LOC131768270: variants seen among roughly 807,000 people sequenced by gnomAD.
the LOC131768270 span, chr5:140,567,740 C>T: frequency 1.2e-6 from 2 of 1,614,178 alleles, no homozygotes; most frequent in Non-Finnish European, 1.7e-6. Flanking sequence ...AGGCCTGCTG[C>T]TCCTCATTCT....
At chr5:140,566,949 C>G in the LOC131768270 span, 30 of 725,070 alleles carry the variant, frequency 4.1e-5, no homozygotes, top group Admixed American at 1.0e-4. Flanking sequence ...CTTCCCCTTC[C>G]TAGCTCCATG....
chr5:140,568,451 T>A, the LOC131768270 span: 1 of 426,584 alleles, frequency 2.3e-6, no homozygotes, highest in Non-Finnish European at 4.5e-6. Flanking sequence ...CCCATCCTTG[T>A]TGGGCAGCTC....
chr5:140,566,752 G>GGCCCGACTAGCTCTAGGT, the LOC131768270 span: 2 of 595,472 alleles, frequency 3.4e-6, no homozygotes, highest in Non-Finnish European at 6.0e-6. Flanking sequence ...CTACGCAAGG[G>GGCCCGACTAGCTCTAGGT]GCCCGACTAG....
At chr5:140,568,698 C>T in the LOC131768270 span, 1 of 176,804 alleles carries the variant, frequency 5.7e-6, no homozygotes, top group Non-Finnish European at 1.3e-5. Context: ...CCAGTTCCAG[C>T]AATGCCTAGA....
chr5:140,567,004 C>A, the LOC131768270 span: 1 of 1,083,620 alleles, frequency 9.2e-7, no homozygotes, highest in Non-Finnish European at 1.4e-6. Flanking sequence ...CAGCCCCTTA[C>A]TCTTCAAGCC....
At chr5:140,566,759 C>T in the LOC131768270 span, 9 of 596,090 alleles carry the variant, frequency 1.5e-5, no homozygotes, top group Admixed American at 1.2e-4. Context: ...AGGGGCCCGA[C>T]TAGCTCTAGG....
the LOC131768270 span, chr5:140,567,053 TTC>T: frequency 1.3e-6 from 2 of 1,512,878 alleles, no homozygotes; most frequent in Non-Finnish European, 1.8e-6. Context: ...ATCCTCAGTA[TTC>T]TCTCTGGCAA....
chr5:140,568,562 G>A, the LOC131768270 span: 1 of 257,490 alleles, frequency 3.9e-6, no homozygotes. Context: ...ACTGGAGCTG[G>A]CTAGTCCAGC....
chr5:140,567,454 C>T, the LOC131768270 span: 23 of 1,614,152 alleles, frequency 1.4e-5, no homozygotes, highest in South Asian at 2.1e-4. Flanking sequence ...CAGCCCTGCT[C>T]TATGGCGCTA....
At chr5:140,567,834 T>C in the LOC131768270 span, 2 of 1,614,140 alleles carry the variant, frequency 1.2e-6, no homozygotes, top group Non-Finnish European at 1.7e-6. Context: ...CTTCAGAACC[T>C]CTTCCTCTAC....
At chr5:140,566,923 G>T in the LOC131768270 span, 1 of 671,428 alleles carries the variant, frequency 1.5e-6, no homozygotes, top group South Asian at 1.6e-5. Context: ...TCCTCAGCCT[G>T]CACCCTGGAT....
the LOC131768270 span, chr5:140,566,791 A>C: frequency 3.3e-6 from 2 of 599,454 alleles, no homozygotes; most frequent in Non-Finnish European, 5.9e-6. Context: ...AGGCAGGATG[A>C]GCAGCTCAGC....
chr5:140,565,700 A>T, the LOC131768270 span: 2 of 385,544 alleles, frequency 5.2e-6, 1 homozygote, highest in South Asian at 2.9e-4. Flanking sequence ...CCCTCATTTG[A>T]ATTCTGTGCT....
the LOC131768270 span, chr5:140,567,329 G>T: frequency 6.2e-7 from 1 of 1,614,168 alleles, no homozygotes; most frequent in South Asian, 1.1e-5. Context: ...CTCCTCAGCC[G>T]TGCTGCTGAC....
At chr5:140,567,391 A>G in the LOC131768270 span, 5 of 1,614,080 alleles carry the variant, frequency 3.1e-6, no homozygotes, top group African/African-American at 6.7e-5. Flanking sequence ...TAGGCTGGCA[A>G]GCATGGCCCC....
chr5:140,567,409 C>T, the LOC131768270 span: 1 of 1,614,134 alleles, frequency 6.2e-7, no homozygotes, highest in South Asian at 1.1e-5. Flanking sequence ...CCCAGGGGCC[C>T]CCACCCTGGC....
chr5:140,566,063 AG>A, the LOC131768270 span: 1 of 397,596 alleles, frequency 2.5e-6, no homozygotes, highest in African/African-American at 2.1e-5. Context: ...TTCTTCAGCA[AG>A]TGATTATTGA....
At chr5:140,566,708 C>G in the LOC131768270 span, 1 of 576,102 alleles carries the variant, frequency 1.7e-6, no homozygotes, top group Non-Finnish European at 3.1e-6. Context: ...CTGTGCCCAA[C>G]GTGGAGAAGA....
chr5:140,566,092 C>T, the LOC131768270 span: 14 of 396,186 alleles, frequency 3.5e-5, no homozygotes, highest in Admixed American at 4.4e-5. Context: ...TTCTCAGTCA[C>T]CCTAAGGACA....
Sources: allele counts gnomAD v4.1 joint callset, GRCh38; gene constraint gnomAD v4.1.1; transcripts MANE v1.5.